Variants in DACH2 observed in about 807,000 individuals in gnomAD.
DACH2 encodes dachshund homolog 2.
In DACH2, 17 loss-of-function variants were observed where a neutral mutation model predicts 35.8. The ratio of observed to expected loss-of-function variants is 0.48; its 90% CI spans 0.33 to 0.71. DACH2 has a LOEUF of 0.71. Ranked by LOEUF, DACH2 falls within the 30% of genes least tolerant of loss-of-function variation. DACH2 has a pLI of 0.02. For missense variants in DACH2, 469 were observed against 472.7 expected, an observed-to-expected ratio of 0.99 and a Z score of 0.07; for synonymous variants, 195 against 177.3, an observed-to-expected ratio of 1.10 and a Z score of -0.79.
At chrX:86,683,286 A>G (rs774774469) in intron 4 of DACH2, among the ~76,000 whole-genome samples, 103 of 111,313 alleles carry the variant, frequency 9.3e-4, no homozygotes, top group African/African-American at 3.2e-3. Context: ...AAGAAGTCCT[A>G]GGATTAATAA....
intron 3 of DACH2, among the ~76,000 whole-genome samples, chrX:86,550,471 G>A (rs1381893002): frequency 3.6e-5 from 4 of 110,357 alleles, no homozygotes; most frequent in Non-Finnish European, 7.6e-5. Flanking sequence ...TTGCATAATC[G>A]GTCATTTTTC....
intron 1 of DACH2, among the ~76,000 whole-genome samples, chrX:86,178,476 A>G (rs2031376558): frequency 9.0e-6 from 1 of 111,387 alleles, no homozygotes; most frequent in Admixed American, 9.6e-5. Context: ...AAATGCTTTC[A>G]GTTTGTTGGT....
At chrX:86,717,462 T>C (rs1264826757) in intron 6 of DACH2, among the ~76,000 whole-genome samples, 1 of 110,689 alleles carries the variant, frequency 9.0e-6, no homozygotes, top group Non-Finnish European at 1.9e-5. Flanking sequence ...ATATATAGTA[T>C]TCATATACAC....
chrX:86,169,486 C>G (rs1053155509), intron 1 of DACH2, among the ~76,000 whole-genome samples: 7 of 111,130 alleles, frequency 6.3e-5, no homozygotes, highest in African/African-American at 2.3e-4. Flanking sequence ...CTACACTTAT[C>G]TCTACCCCTG....
chrX:86,276,265 G>A (rs1449835631), intron 1 of DACH2, among the ~76,000 whole-genome samples: 1 of 111,956 alleles, frequency 8.9e-6, no homozygotes, highest in African/African-American at 3.2e-5. Context: ...GTTTTGATTT[G>A]CATTTGTCTA....
At chrX:86,831,453 T>A (rs1380392403) in intron 11 of DACH2, 1 of 111,740 alleles carries the variant, frequency 8.9e-6, no homozygotes, top group Non-Finnish European at 1.9e-5. Context: ...TTATAAGCCA[T>A]TGCTATGGAA....
At chrX:86,579,312 C>T (rs1489977821) in intron 3 of DACH2, among the ~76,000 whole-genome samples, 1 of 111,018 alleles carries the variant, frequency 9.0e-6, no homozygotes, top group African/African-American at 3.3e-5. Context: ...AGGCTGGTCT[C>T]GAACTCCTGA....
chrX:86,790,001 A>G (rs2042172808), intron 7 of DACH2, among the ~76,000 whole-genome samples: 1 of 112,199 alleles, frequency 8.9e-6, no homozygotes, highest in Admixed American at 9.5e-5. Flanking sequence ...CTTCAGTACT[A>G]TGAAAATTAT....
chrX:86,577,799 G>A (rs189519176), intron 3 of DACH2, among the ~76,000 whole-genome samples: 2 of 111,080 alleles, frequency 1.8e-5, no homozygotes, highest in East Asian at 5.7e-4. Context: ...ACCTAATAAC[G>A]TCTTCCTAAG....
chrX:86,422,856 T>C (rs755611366), intron 2 of DACH2, among the ~76,000 whole-genome samples: 1 of 110,976 alleles, frequency 9.0e-6, no homozygotes, highest in African/African-American at 3.3e-5. Context: ...ATCCTTCTAC[T>C]CTCCATCTCC....
At chrX:86,195,037 A>C (rs1283935830) in intron 1 of DACH2, among the ~76,000 whole-genome samples, 1 of 112,584 alleles carries the variant, frequency 8.9e-6, no homozygotes, top group African/African-American at 3.2e-5. Flanking sequence ...TGGGGCCTCC[A>C]TGGCCATGCA....
At chrX:86,377,343 A>G (rs2035983500) in intron 2 of DACH2, among the ~76,000 whole-genome samples, 1 of 111,637 alleles carries the variant, frequency 9.0e-6, no homozygotes, top group Non-Finnish European at 1.9e-5. Flanking sequence ...TTAGGCACAG[A>G]TATGTGTTGT....
chrX:86,801,161 T>C (rs2042289834), intron 7 of DACH2, among the ~76,000 whole-genome samples: 1 of 111,333 alleles, frequency 9.0e-6, no homozygotes, highest in Non-Finnish European at 1.9e-5. Flanking sequence ...AACTCATCTA[T>C]TAGGAAAACC....
intron 7 of DACH2, among the ~76,000 whole-genome samples, chrX:86,805,021 A>G (rs2042329606): frequency 8.9e-6 from 1 of 112,251 alleles, no homozygotes; most frequent in African/African-American, 3.2e-5. Flanking sequence ...CCCCTGTCAC[A>G]GCTCCACTAC....
chrX:86,540,121 A>T (rs972886051), intron 3 of DACH2, among the ~76,000 whole-genome samples: 2 of 112,158 alleles, frequency 1.8e-5, no homozygotes, highest in East Asian at 5.6e-4. Flanking sequence ...TCTATGTTTG[A>T]ATGTAATATT....
intron 3 of DACH2, among the ~76,000 whole-genome samples, chrX:86,648,642 G>A (rs2040441866): frequency 1.8e-5 from 2 of 110,774 alleles, no homozygotes; most frequent in Non-Finnish European, 3.8e-5. Flanking sequence ...AGTTTCATAA[G>A]CTTAAAGTCA....
At chrX:86,398,196 C>A (rs2036340471) in intron 2 of DACH2, among the ~76,000 whole-genome samples, 1 of 112,042 alleles carries the variant, frequency 8.9e-6, no homozygotes, top group Non-Finnish European at 1.9e-5. Context: ...ATAGTATTCT[C>A]TGATGGTAGT....
chrX:86,335,319 A>G (rs188374300), intron 1 of DACH2, among the ~76,000 whole-genome samples: 2 of 111,857 alleles, frequency 1.8e-5, no homozygotes, highest in African/African-American at 6.5e-5. Flanking sequence ...TGGGAATAAC[A>G]TTGAATCTAT....
At chrX:86,823,196 A>G (rs1319146220) in intron 11 of DACH2, among the ~76,000 whole-genome samples, 1 of 111,496 alleles carries the variant, frequency 9.0e-6, no homozygotes, top group Non-Finnish European at 1.9e-5. Flanking sequence ...CAGCCTCTCA[A>G]AATGCTGGGA....
Sources: allele counts gnomAD v4.1 joint callset (sites outside exome capture counted in the v4.1 genomes callset), GRCh38; gene constraint gnomAD v4.1.1; transcripts MANE v1.5; gene names NCBI Gene and HGNC (gene_info 2026-07-23, HGNC 2026-07-21).